Variants in CGNL1 observed in about 807,000 individuals in gnomAD.
CGNL1 encodes cingulin-like protein 1.
Under a neutral mutation model 141.2 loss-of-function variants are expected in CGNL1, and 132 were observed. That is an observed-to-expected ratio of 0.93 (90% CI 0.81 to 1.08). The LOEUF is 1.08. CGNL1 is among the 50% of genes least tolerant of loss of function. CGNL1 has a pLI of 0.00. For missense variants in CGNL1, 1,870 were observed against 1,588.6 expected (o/e 1.18, Z -3.01); for synonymous variants, 690 against 622.1 (o/e 1.11, Z -1.63).
At position 57,516,668 on chromosome 15, in the gene CGNL1, G is replaced by T. The variant is rs111831481; in HGVS notation, c.2404-112G>T. On this transcript the variant is annotated intron_variant, in intron 8 of 18. Transcript: ENST00000281282. Reference sequence around the variant, plus strand: ...TTTGCCGACCCCTGGCTCAGCACAGGGCCTGGCTAAGTGGGCACAATGGGT... The same window carrying T: ...TTTGCCGACCCCTGGCTCAGCACAGTGCCTGGCTAAGTGGGCACAATGGGT... 2.9e-3 allele frequency: 3,330 copies of T among 1,129,224 alleles called. 70 individuals are homozygous for T. In the African/African-American group the frequency reaches 0.045, roughly 15 times the overall value. 70.0% of individuals were successfully genotyped at this position (1,129,224 alleles called of 1,614,324 possible).
At chr15:57,491,878 A>C (rs1233169054) in intron 8 of CGNL1, among the ~76,000 whole-genome samples, 1 of 152,100 alleles carries the variant, frequency 6.6e-6, no homozygotes, top group Non-Finnish European at 1.5e-5. Flanking sequence ...TCCTTCCTGC[A>C]AACATACCTG....
intron 10 of CGNL1, 88 bp downstream of exon 10, chr15:57,518,585 C>T: frequency 2.3e-6 from 2 of 867,506 alleles, no homozygotes; most frequent in Non-Finnish European, 3.7e-6. Context: ...TTGTCCTTGG[C>T]CCTCTCTTTC....
chr15:57,405,811 C>G (rs58327175), intron 1 of CGNL1, among the ~76,000 whole-genome samples: 1 of 53,552 alleles, frequency 1.9e-5, no homozygotes, highest in African/African-American at 7.2e-5. Context: ...TCTTTCTTTC[C>G]TTCTTTCTTT....
chr15:57,458,844 C>T (rs977697422), intron 7 of CGNL1, among the ~76,000 whole-genome samples: 1 of 152,154 alleles, frequency 6.6e-6, no homozygotes, highest in Non-Finnish European at 1.5e-5. Flanking sequence ...GAGCCAGAGC[C>T]GGCCTCGTTA....
chr15:57,541,533 G>T (rs2032563079), intron 14 of CGNL1, among the ~76,000 whole-genome samples: 1 of 152,224 alleles, frequency 6.6e-6, no homozygotes, highest in Non-Finnish European at 1.5e-5. Flanking sequence ...AGCAGAGTGG[G>T]AGCGGGCCTG....
chr15:57,392,946 T>A (rs1287293477), intron 1 of CGNL1, among the ~76,000 whole-genome samples: 2 of 152,238 alleles, frequency 1.3e-5, no homozygotes, highest in East Asian at 3.8e-4. Context: ...TCAACCTGAT[T>A]GGCCAGTATT....
chr15:57,543,626 C>A (rs773943215), intron 14 of CGNL1, 70 bp from the exon 15 acceptor site: 77 of 1,376,762 alleles, frequency 5.6e-5, no homozygotes, highest in Non-Finnish European at 7.8e-5. Flanking sequence ...CAGTTCCTTG[C>A]CACCATTTCA....
chr15:57,510,980 C>G (rs2030249144), intron 8 of CGNL1, among the ~76,000 whole-genome samples: 1 of 151,762 alleles, frequency 6.6e-6, no homozygotes, highest in South Asian at 2.1e-4. Flanking sequence ...TTTCCAGAGG[C>G]TGGAGGAGGT....
At chr15:57,534,662 A>C (rs1567174970) in intron 14 of CGNL1, among the ~76,000 whole-genome samples, 1 of 152,194 alleles carries the variant, frequency 6.6e-6, no homozygotes, top group African/African-American at 2.4e-5. Flanking sequence ...GGGAAACTTC[A>C]AAACGTAAGG....
chr15:57,533,832 A>G (rs1418582918), intron 14 of CGNL1, among the ~76,000 whole-genome samples: 2 of 152,236 alleles, frequency 1.3e-5, no homozygotes, highest in Non-Finnish European at 2.9e-5. Flanking sequence ...TAAGCCAAGA[A>G]CTTGATGTCA....
intron 1 of CGNL1, among the ~76,000 whole-genome samples, chr15:57,395,867 ATT>A (rs34041469): frequency 6.6e-6 from 1 of 152,038 alleles, no homozygotes; most frequent in South Asian, 2.1e-4. Flanking sequence ...GTTAAAAAAC[ATT>A]TTTTTTAATT....
intron 8 of CGNL1, among the ~76,000 whole-genome samples, chr15:57,500,300 C>T (rs971172478): frequency 1.3e-5 from 2 of 152,010 alleles, no homozygotes; most frequent in African/African-American, 2.4e-5. Context: ...GCAGAGAGGC[C>T]GTGTGTTGGG....
intron 1 of CGNL1, among the ~76,000 whole-genome samples, chr15:57,388,022 G>A (rs1269257476): frequency 6.6e-6 from 1 of 152,250 alleles, no homozygotes; most frequent in African/African-American, 2.4e-5. Context: ...TCCTTGGAGA[G>A]AGACTGGACT....
chr15:57,394,317 G>C (rs189067193), intron 1 of CGNL1, among the ~76,000 whole-genome samples: 206 of 151,930 alleles, frequency 1.4e-3, no homozygotes, highest in Middle Eastern at 3.4e-3. Context: ...TAGAGATGGG[G>C]TTTCTCCATG....
chr15:57,406,626 G>A (rs1567097318), intron 1 of CGNL1, among the ~76,000 whole-genome samples: 1 of 152,168 alleles, frequency 6.6e-6, no homozygotes, highest in Non-Finnish European at 1.5e-5. Context: ...GGAACTGAAA[G>A]CCTGGAGTGA....
chr15:57,407,162 G>C (rs967185242), intron 1 of CGNL1: 1 of 152,176 alleles, frequency 6.6e-6, no homozygotes, highest in Non-Finnish European at 1.5e-5. Context: ...CCGTTAAGGT[G>C]GTCAGAGCTA....
chr15:57,440,148 T>G (rs2063168124), intron 2 of CGNL1, among the ~76,000 whole-genome samples: 1 of 151,202 alleles, frequency 6.6e-6, no homozygotes, highest in Admixed American at 6.6e-5. Flanking sequence ...AGGCACTGTT[T>G]GTTATATATT....
At chr15:57,469,207 G>T (rs561395612) in intron 8 of CGNL1, among the ~76,000 whole-genome samples, 1 of 152,072 alleles carries the variant, frequency 6.6e-6, no homozygotes, top group South Asian at 2.1e-4. Flanking sequence ...AGCATGAATT[G>T]GGGTGAGGAG....
intron 8 of CGNL1, among the ~76,000 whole-genome samples, chr15:57,483,828 A>G (rs1224443749): frequency 6.6e-6 from 1 of 152,182 alleles, no homozygotes; most frequent in African/African-American, 2.4e-5. Flanking sequence ...AGTTTAAATC[A>G]TGAATGGATT....
Sources: gnomAD v4.1 joint callset for allele counts (sites outside exome capture counted in the v4.1 genomes callset) on GRCh38, gnomAD v4.1.1 for gene constraint, MANE v1.5 for transcripts, NCBI Gene and HGNC (gene_info 2026-07-23, HGNC 2026-07-21) for gene names.